The following SYCE1L variants were observed in gnomAD, a reference collection of about 807,000 sequenced individuals.
SYCE1L encodes synaptonemal complex central element protein 1-like.
SYCE1L carries 51 observed loss-of-function variants against 39.6 expected under a neutral mutation model. That is an observed-to-expected ratio of 1.29 (90% confidence interval 1.03 to 1.63). The LOEUF (loss-of-function observed/expected upper bound fraction) is 1.63. SYCE1L is among the 40% of genes most tolerant of loss of function. The pLI is 0.00. For missense variants in SYCE1L, 426 were observed against 304.9 expected (o/e 1.40, Z -2.96); for synonymous variants, 147 against 122.4 (o/e 1.20, Z -1.33).
rs774956323 is a variant in SYCE1L, at chr16:77,212,612, G to A, written c.620G>A (p.Arg207Gln). 1.0e-4 allele frequency: 157 copies of A among 1,535,840 alleles called. No homozygotes were observed. Among genetic ancestry groups the A allele is most frequent in the Non-Finnish European group, 1.3e-4 (150 of 1,146,428 alleles). Reference protein sequence around the residue: ...AELEIFGEQVRSAPEVGAGEG... With the variant: ...AELEIFGEQVQSAPEVGAGEG... ...CTGGAGATATTCGGGGAGCAGGTCC[G>A]GAGCGCCCCCGAGGTCGGGGCCGGC... is the stretch of plus-strand genomic sequence containing the variant. Residue 207 changes from arginine to glutamine, a missense_variant, in exon 10 of 11, where the codon CGG becomes CAG. Physicochemically the swap from Arg to Gln is conservative, Grantham distance 43. Transcript: ENST00000378644.
At chr16:77,211,307 C>A in intron 7 of SYCE1L, 31 bp downstream of exon 7, 1 of 1,551,532 alleles carries the variant, frequency 6.4e-7, no homozygotes, top group Non-Finnish European at 8.7e-7. Context: ...GCAACCAAAG[C>A]CACTCCTCCC....
At chr16:77,210,325 C>G (rs991012993) in intron 6 of SYCE1L, among the ~76,000 whole-genome samples, 1 of 152,190 alleles carries the variant, frequency 6.6e-6, no homozygotes, top group African/African-American at 2.4e-5. Flanking sequence ...CAGGCGTGAG[C>G]TACCACACCC....
intron 1 of SYCE1L, chr16:77,200,489 C>G (rs1400521784): frequency 3.3e-5 from 5 of 150,884 alleles, no homozygotes; most frequent in African/African-American, 1.2e-4. Context: ...GGCTTGGTGG[C>G]TTATGCCTGT....
chr16:77,199,795 G>A (rs1451290179), intron 1 of SYCE1L: 2 of 309,288 alleles, frequency 6.5e-6, no homozygotes, highest in Non-Finnish European at 1.2e-5. Context: ...AACAAAAGTG[G>A]GGCGGTGGGG....
intron 6 of SYCE1L, among the ~76,000 whole-genome samples, chr16:77,210,500 A>C (rs1049667474): frequency 6.6e-6 from 1 of 152,146 alleles, no homozygotes; most frequent in Admixed American, 6.5e-5. Context: ...TTATGTACCT[A>C]ATCCTCACAA....
chr16:77,209,380 G>C (rs1169837901), intron 5 of SYCE1L, 37 bp from the exon 6 acceptor site: 2 of 1,550,986 alleles, frequency 1.3e-6, no homozygotes, highest in East Asian at 4.9e-5. Flanking sequence ...GACTCCCCAA[G>C]AGCTCTCAAA....
rs562000705 is a variant in SYCE1L, at chr16:77,207,151, T to G, written c.121+651T>G. Among the ~76,000 whole-genome samples, 25 of 152,292 alleles carry G rather than the reference T, an allele frequency of 1.6e-4. 1 individual carries two copies. The highest frequency in any genetic ancestry group is 9.8e-4 in the Admixed American group (15 of 15,296). On this transcript the variant is annotated intron_variant, in intron 2 of 10. Transcript: ENST00000378644. The stretch of plus-strand genomic sequence containing the variant: ...AATGCAGTGATCCAACCTGATCATT[T>G]CCAGTAAAACAAAGACCCCCAGAGA...
chr16:77,209,393 G>C lies in SYCE1L; in HGVS notation c.305-24G>C, dbSNP rs1404509583. Reference sequence around the variant, plus strand: ...CTGACTCCCCAAGAGCTCTCAAAGGGTCCCCTTGGTTCCTTCCCCACAGAG... The same window carrying C: ...CTGACTCCCCAAGAGCTCTCAAAGGCTCCCCTTGGTTCCTTCCCCACAGAG... On this transcript the variant is annotated intron_variant, in intron 5 of 10. Transcript: ENST00000378644. The C allele has an allele frequency of 9.7e-6, 15 of 1,551,466 alleles. No individual in the cohort carries two copies. In the Admixed American group the frequency reaches 2.9e-4, roughly 30 times the overall value.
chr16:77,208,249 G>A lies in SYCE1L; in HGVS notation c.161G>A (p.Arg54Gln), dbSNP rs987225576. ...CCACAGATAGAGGACCTGATTAGCC[G>A]GATTAATGATCTTCAGCAAGGTAAA... ...LEPQIEDLIS[R>Q]INDLQQAKKK... Residue 54 changes from arginine (R) to glutamine (Q), a missense_variant, in exon 3 of 11, where the codon CGG (arginine) becomes CAG (glutamine). By Grantham distance (43) the Arg-to-Gln change is conservative (BLOSUM62 1). Coordinates refer to ENST00000378644, the MANE Select transcript of SYCE1L (RefSeq NM_001129979.3). 75 of 1,551,542 alleles carry A rather than the reference G, an allele frequency of 4.8e-5. No homozygotes were observed. The highest frequency in any genetic ancestry group is 1.5e-4 in the East Asian group (6 of 40,920).
chr16:77,207,681 C>G (rs2054794787), intron 2 of SYCE1L, among the ~76,000 whole-genome samples: 1 of 152,168 alleles, frequency 6.6e-6, no homozygotes, highest in Non-Finnish European at 1.5e-5. Context: ...CTAGTGATAT[C>G]ACTTCCCACT....
intron 1 of SYCE1L, among the ~76,000 whole-genome samples, chr16:77,205,407 C>G (rs1227485137): frequency 9.2e-6 from 1 of 109,042 alleles, no homozygotes; most frequent in Non-Finnish European, 2.3e-5. Flanking sequence ...GTAACACAGG[C>G]TCATGTTAAA....
rs1446813553 is a variant in SYCE1L at position 77,212,623 on chromosome 16, G to A, written c.631G>A (p.Glu211Lys). 1 of 1,535,510 alleles carries A rather than the reference G, an allele frequency of 6.5e-7. No individual in the cohort carries two copies. The highest frequency in any genetic ancestry group is 2.4e-5 in the East Asian group (1 of 40,836). ...IFGEQVRSAP[E>K]VGAGEGEAGP... The stretch of plus-strand genomic sequence containing the variant: ...CGGGGAGCAGGTCCGGAGCGCCCCC[G>A]AGGTCGGGGCCGGCGAGGGAGAGGT... The change falls in exon 10 of 11, where the codon GAG becomes AAG. Residue 211 changes from glutamate (E) to lysine (K), a missense_variant. By Grantham distance (56) the Glu-to-Lys change is moderately conservative. Coordinates refer to ENST00000378644, the MANE Select transcript of SYCE1L (RefSeq NM_001129979.3).
At chr16:77,212,004 A>T in intron 7 of SYCE1L, 126 bp from the exon 8 acceptor site, 1 of 1,107,218 alleles carries the variant, frequency 9.0e-7, no homozygotes, top group East Asian at 2.7e-5. Flanking sequence ...CATTGAGTTA[A>T]TAAATAGTTG....
At chr16:77,212,495 C>G in intron 9 of SYCE1L, 79 bp from the exon 10 acceptor site, 1 of 1,538,608 alleles carries the variant, frequency 6.5e-7, no homozygotes, top group South Asian at 1.2e-5. Context: ...GTCGTCGGGT[C>G]TCCGCGTCTC....
At chr16:77,204,435 A>G (rs893823962) in intron 1 of SYCE1L, among the ~76,000 whole-genome samples, 4 of 152,188 alleles carry the variant, frequency 2.6e-5, no homozygotes, top group African/African-American at 9.7e-5. Flanking sequence ...CCTTATAAGT[A>G]GAGGGAAATA....
At position 77,213,096 on chromosome 16, in the gene SYCE1L, C is replaced by T. The variant is rs2054838633; in HGVS notation, c.*165C>T. The T allele has an allele frequency of 1.6e-6, 1 of 623,052 alleles. No individual in the cohort carries two copies. Among genetic ancestry groups the T allele is most frequent in the Non-Finnish European group, 2.4e-6 (1 of 414,476 alleles). 38.6% of individuals were successfully genotyped at this position (623,052 alleles called of 1,614,324 possible). ...CGGGGCCTCTGCCGGACCCCTCCCA[C>T]CAGTCGAGCCCCGGGCGCCGTACAG... is the stretch of plus-strand genomic sequence containing the variant. On this transcript the variant is annotated 3_prime_UTR_variant, in exon 11 of 11. Transcript: ENST00000378644.
Position 77,212,914 on chromosome 16 carries a change from G to A in SYCE1L, c.712G>A (p.Ala238Thr), listed in dbSNP as rs1244102435. The A allele has an allele frequency of 2.0e-6, 3 of 1,529,600 alleles. No individual in the cohort carries two copies. Among genetic ancestry groups the A allele is most frequent in the East Asian group, 2.5e-5 (1 of 40,186 alleles). 94.8% of individuals were successfully genotyped at this position (1,529,600 alleles called of 1,614,324 possible). ...GGAGGATCCCGAGCCGCCGGTGGCT[G>A]CCCCTGACGCCCTCTAGGCCAGCAG... Reference protein sequence around the residue: ...DEEDPEPPVAAPDAL With the variant: ...DEEDPEPPVATPDAL Residue 238 changes from alanine to threonine, a missense_variant, in exon 11 of 11, where the codon GCC (alanine) becomes ACC (threonine). Coordinates refer to ENST00000378644, the MANE Select transcript of SYCE1L (RefSeq NM_001129979.3).
intron 2 of SYCE1L, among the ~76,000 whole-genome samples, chr16:77,207,489 A>T (rs2054793484): frequency 6.6e-6 from 1 of 152,216 alleles, no homozygotes; most frequent in Non-Finnish European, 1.5e-5. Flanking sequence ...GCAAGCTGCC[A>T]CCAACAGTGT....
intron 1 of SYCE1L, chr16:77,200,768 A>AGAAG (rs1567423424): frequency 6.9e-6 from 1 of 144,494 alleles, no homozygotes; most frequent in Non-Finnish European, 1.5e-5. Context: ...AAAAAAAAGA[A>AGAAG]AAAACAAAAA....
Sources: gnomAD v4.1 joint callset for allele counts (sites outside exome capture counted in the v4.1 genomes callset) on GRCh38, gnomAD v4.1.1 for gene constraint, MANE v1.5 for transcripts, NCBI Gene and HGNC (gene_info 2026-07-23, HGNC 2026-07-21) for gene names.